The following DNER variants were observed in gnomAD, a reference collection of about 807,000 sequenced individuals.
DNER encodes the protein delta/notch like EGF repeat containing, also known as delta and Notch-like epidermal growth factor-related receptor.
Under a neutral mutation model 78.2 loss-of-function variants are expected in DNER, and 33 were observed. The observed-to-expected ratio is 0.42, with a 90% confidence interval of 0.32 to 0.56. The LOEUF (loss-of-function observed/expected upper bound fraction) is 0.56. Ranked by LOEUF, DNER falls within the 20% of genes least tolerant of loss-of-function variation. The probability of loss-of-function intolerance (pLI) is 0.11; values close to 1 mark genes in which losing one functional copy is unlikely to be tolerated. For missense variants in DNER, 918 were observed against 975.3 expected, an observed-to-expected ratio of 0.94 and a Z score of 0.78; for synonymous variants, 417 against 384.8, an observed-to-expected ratio of 1.08 and a Z score of -0.98.
intron 6 of DNER, among the ~76,000 whole-genome samples, chr2:229,492,807 T>C (rs532172678): frequency 9.2e-5 from 14 of 152,266 alleles, no homozygotes; most frequent in African/African-American, 2.9e-4. Flanking sequence ...TACCTATGAC[T>C]GCAGGCACAT....
intron 6 of DNER, among the ~76,000 whole-genome samples, chr2:229,508,651 A>G (rs4973211): frequency 0.32 from 49,238 of 151,942 alleles, 8,174 homozygotes; most frequent in South Asian, 0.38. Context: ...GGAGGCCGAG[A>G]CGGGCAGATC....
intron 9 of DNER, among the ~76,000 whole-genome samples, chr2:229,415,143 T>A (rs539394469): frequency 1.4e-4 from 20 of 145,090 alleles, no homozygotes; most frequent in Admixed American, 1.2e-3. Context: ...GCCTGGGCAA[T>A]GAGAGTGAAA....
intron 1 of DNER, among the ~76,000 whole-genome samples, chr2:229,610,143 C>T (rs1309633563): frequency 6.6e-6 from 1 of 152,134 alleles, no homozygotes; most frequent in Non-Finnish European, 1.5e-5. Flanking sequence ...GATTTTCAGA[C>T]TTTGGAATAA....
chr2:229,373,096 C>G (rs1458585211), intron 11 of DNER, among the ~76,000 whole-genome samples: 1 of 152,088 alleles, frequency 6.6e-6, no homozygotes, highest in African/African-American at 2.4e-5. Context: ...CAAAAATTGA[C>G]AAGTGAGACC....
intron 6 of DNER, among the ~76,000 whole-genome samples, chr2:229,509,053 TTTTTGGTGGTGG>T (rs1451567705): frequency 6.6e-6 from 1 of 152,162 alleles, no homozygotes. Flanking sequence ...ACAACTTCTG[TTTTTGGTGGTGG>T]TTTCACTGGT....
chr2:229,532,383 T>G (rs1696320313), intron 5 of DNER, among the ~76,000 whole-genome samples: 1 of 152,166 alleles, frequency 6.6e-6, no homozygotes, highest in Admixed American at 6.6e-5. Flanking sequence ...TTCAATGTGA[T>G]GTATCCTCTG....
chr2:229,385,357 C>A (rs1465934195), intron 11 of DNER, among the ~76,000 whole-genome samples: 4 of 152,104 alleles, frequency 2.6e-5, no homozygotes, highest in Non-Finnish European at 5.9e-5. Flanking sequence ...AAACCCACAG[C>A]CAGTATCATA....
intron 4 of DNER, among the ~76,000 whole-genome samples, chr2:229,570,587 A>T (rs1697198919): frequency 6.7e-6 from 1 of 149,968 alleles, no homozygotes; most frequent in Non-Finnish European, 1.5e-5. Context: ...AGTTTGCGCC[A>T]TTACACTCCA....
At chr2:229,518,645 A>C (rs1696031921) in intron 5 of DNER, among the ~76,000 whole-genome samples, 1 of 152,178 alleles carries the variant, frequency 6.6e-6, no homozygotes, top group Non-Finnish European at 1.5e-5. Flanking sequence ...ACCATCAGAA[A>C]ACTGAATCAG....
chr2:229,668,441 T>C (rs1399342207), intron 1 of DNER, among the ~76,000 whole-genome samples: 22 of 130,714 alleles, frequency 1.7e-4, no homozygotes, highest in African/African-American at 5.1e-4. Context: ...TATATATATA[T>C]ACACTTATAT....
At chr2:229,564,792 C>T (rs1192071751) in intron 4 of DNER, among the ~76,000 whole-genome samples, 1 of 152,124 alleles carries the variant, frequency 6.6e-6, no homozygotes, top group Non-Finnish European at 1.5e-5. Context: ...GGAGTCCTGG[C>T]TTATTGAGTT....
chr2:229,651,544 G>A (rs193229962), intron 1 of DNER, among the ~76,000 whole-genome samples: 1 of 152,320 alleles, frequency 6.6e-6, no homozygotes, highest in Non-Finnish European at 1.5e-5. Context: ...TTTGGGAGCT[G>A]AGGGTGCCGA....
At chr2:229,548,801 T>C (rs1696672910) in intron 4 of DNER, among the ~76,000 whole-genome samples, 1 of 152,120 alleles carries the variant, frequency 6.6e-6, no homozygotes, top group South Asian at 2.1e-4. Flanking sequence ...GTGGAAAATA[T>C]AGGGGGCTAT....
At chr2:229,391,459 T>C (rs1381296160) in intron 10 of DNER, among the ~76,000 whole-genome samples, 1 of 152,182 alleles carries the variant, frequency 6.6e-6, no homozygotes, top group Non-Finnish European at 1.5e-5. Flanking sequence ...ATAACATCTA[T>C]TGAGAAAATA....
chr2:229,627,222 A>T (rs537121764), intron 1 of DNER, among the ~76,000 whole-genome samples: 2 of 152,322 alleles, frequency 1.3e-5, no homozygotes, highest in Middle Eastern at 3.4e-3. Flanking sequence ...CACTCTCTCA[A>T]TTCTTTCCTC....
intron 11 of DNER, among the ~76,000 whole-genome samples, chr2:229,381,337 ACTGGGCAGCCAT>A (rs1692731528): frequency 6.6e-6 from 1 of 151,924 alleles, no homozygotes; most frequent in African/African-American, 2.4e-5. Context: ...CAAGCACAAA[ACTGGGCAGCCAT>A]CTGGGCAGAC....
At chr2:229,398,806 C>T (rs1411990150) in intron 10 of DNER, among the ~76,000 whole-genome samples, 1 of 151,884 alleles carries the variant, frequency 6.6e-6, no homozygotes, top group Non-Finnish European at 1.5e-5. Flanking sequence ...TGAAAATCAA[C>T]CAAGCATATT....
chr2:229,431,316 G>T (rs1220590809), intron 8 of DNER, among the ~76,000 whole-genome samples: 1 of 152,126 alleles, frequency 6.6e-6, no homozygotes, highest in Non-Finnish European at 1.5e-5. Context: ...GGAGAAATTG[G>T]CAGTGAACCT....
At position 229,358,761 on chromosome 2, in the gene DNER, C is replaced by T. The variant is rs1692147034; in HGVS notation, c.2103-110G>A. On this transcript the variant is annotated intron_variant, in intron 12 of 12. Coordinates refer to ENST00000341772, the MANE Select transcript of DNER (RefSeq NM_139072.4). Reference sequence around the variant, plus strand: ...CATGAATTAAATGAAACTGTAAAAACATATTCTATAGCAAGCATAGAAACT... The same window carrying T: ...CATGAATTAAATGAAACTGTAAAAATATATTCTATAGCAAGCATAGAAACT... 11 of 860,300 alleles carry T rather than the reference C, an allele frequency of 1.3e-5. No individual in the cohort carries two copies. In the South Asian group the frequency reaches 2.0e-4, roughly 16 times the overall value. The allele number at this position is 860,300 out of a possible 1,614,324, so 53.3% of individuals were successfully genotyped here.
Sources: allele counts gnomAD v4.1 joint callset (sites outside exome capture counted in the v4.1 genomes callset), GRCh38; gene constraint gnomAD v4.1.1; transcripts MANE v1.5; gene names NCBI Gene and HGNC (gene_info 2026-07-23, HGNC 2026-07-21).